The following ANKRD30A variants were observed in gnomAD, a reference collection of about 807,000 sequenced individuals.
ANKRD30A encodes the protein ankyrin repeat domain-containing protein 30A.
ANKRD30A carries 170 observed loss-of-function variants against 166.3 expected under a neutral mutation model. The ratio of observed to expected loss-of-function variants is 1.02; its 90% CI spans 0.90 to 1.16. The LOEUF is 1.16. Among genes scored for constraint, ANKRD30A ranks in the 50% most tolerant of loss-of-function variants. The pLI is 0.00. For synonymous variants in ANKRD30A, 564 were observed against 508.9 expected (o/e 1.11, Z -1.46); for missense variants, 1,630 against 1,518.0 (o/e 1.07, Z -1.23).
the ANKRD30A span, among the ~76,000 whole-genome samples, chr10:37,252,224 A>G: frequency 6.6e-5 from 10 of 152,172 alleles, no homozygotes; most frequent in Non-Finnish European, 1.5e-4. Flanking sequence ...TGGCTCCTGA[A>G]AACATTTGTT....
intron 33 of ANKRD30A, among the ~76,000 whole-genome samples, chr10:37,218,119 A>G (rs905896687): frequency 1.3e-5 from 2 of 150,954 alleles, no homozygotes; most frequent in African/African-American, 4.8e-5. Flanking sequence ...ATAGTTAGTG[A>G]TAATTTATTG....
the ANKRD30A span, among the ~76,000 whole-genome samples, chr10:37,247,806 C>T: frequency 4.7e-5 from 7 of 148,708 alleles, no homozygotes; most frequent in African/African-American, 9.9e-5. Context: ...GGCATGAACC[C>T]GGGAGGCGGA....
chr10:37,197,935 A>G (rs1841283522), intron 29 of ANKRD30A, among the ~76,000 whole-genome samples: 3 of 151,922 alleles, frequency 2.0e-5, no homozygotes, highest in Non-Finnish European at 4.4e-5. Context: ...AGTAACTCGG[A>G]TTAGTGAACT....
chr10:37,259,568 A>T, the ANKRD30A span, among the ~76,000 whole-genome samples: 1 of 152,270 alleles, frequency 6.6e-6, no homozygotes, highest in East Asian at 1.9e-4. Flanking sequence ...TATTTGTCAT[A>T]GTCAAGAGCT....
intron 21 of ANKRD30A, among the ~76,000 whole-genome samples, chr10:37,173,043 T>G (rs1479608696): frequency 6.6e-6 from 1 of 152,230 alleles, no homozygotes; most frequent in Non-Finnish European, 1.5e-5. Context: ...TTATTTAATC[T>G]ATTGCAATAA....
chr10:37,218,825 A>G (rs1457852827), intron 33 of ANKRD30A, among the ~76,000 whole-genome samples, 155 bp from the exon 34 acceptor site: 3 of 150,880 alleles, frequency 2.0e-5, no homozygotes, highest in Admixed American at 6.6e-5. Context: ...TATGCTCTAT[A>G]GCATTTAAAG....
intron 13 of ANKRD30A, among the ~76,000 whole-genome samples, chr10:37,156,789 G>A (rs756348316): frequency 1.2e-4 from 18 of 152,116 alleles, no homozygotes; most frequent in Non-Finnish European, 2.2e-4. Flanking sequence ...AACTTTTAAA[G>A]ATATTAATGA....
At position 37,196,799 on chromosome 10, in the gene ANKRD30A, G is replaced by C. The variant is rs1841163728; in HGVS notation, c.2615-482G>C. On this transcript the variant is annotated intron_variant, in intron 27 of 35. Coordinates refer to ENST00000361713, the MANE Select transcript of ANKRD30A (RefSeq NM_052997.3). ...GGAAAAAAATGAATATTCATTTTAAGTATTATGACCTAAGTGTATATCCAA... is the reference window on the plus strand; with the variant it reads ...GGAAAAAAATGAATATTCATTTTAACTATTATGACCTAAGTGTATATCCAA... Among the ~76,000 whole-genome samples, 3 of 152,070 alleles carry C rather than the reference G, an allele frequency of 2.0e-5. No individual in the cohort carries two copies. In the South Asian group the frequency reaches 6.2e-4, roughly 31 times the overall value.
At chr10:37,178,080 A>G (rs1442749267) in intron 24 of ANKRD30A, among the ~76,000 whole-genome samples, 1 of 151,362 alleles carries the variant, frequency 6.6e-6, no homozygotes, top group East Asian at 1.9e-4. Flanking sequence ...ATGAAGGAAC[A>G]AGAAACAGGT....
the ANKRD30A span, among the ~76,000 whole-genome samples, chr10:37,245,003 T>C: frequency 6.6e-6 from 1 of 152,174 alleles, no homozygotes; most frequent in Non-Finnish European, 1.5e-5. Flanking sequence ...TTATAATCAA[T>C]ACACAAAGCT....
At position 37,201,337 on chromosome 10, in the gene ANKRD30A, C is replaced by T. The variant is rs1400548018; in HGVS notation, c.2869+12C>T. The stretch of plus-strand genomic sequence containing the variant: ...TGGAAAATTAGAAGGTAAGAACCAT[C>T]TTTTATTTAAAAGGTCATTTGACCA... On this transcript the variant is annotated intron_variant, in intron 31 of 35. Coordinates refer to ENST00000361713, the MANE Select transcript of ANKRD30A (RefSeq NM_052997.3). 3.9e-6 allele frequency: 6 copies of T among 1,544,226 alleles called. No individual in the cohort carries two copies. The highest frequency in any genetic ancestry group is 5.3e-6 in the Non-Finnish European group (6 of 1,140,526).
intron 31 of ANKRD30A, among the ~76,000 whole-genome samples, chr10:37,215,907 A>C (rs561423659): frequency 6.6e-6 from 1 of 151,272 alleles, no homozygotes; most frequent in East Asian, 1.9e-4. Flanking sequence ...TGGGCCTAGT[A>C]TATATCTTAT....
Position 37,218,963 on chromosome 10 carries a change from T to G in ANKRD30A, c.3268-17T>G, listed in dbSNP as rs760404245. On this transcript the variant is annotated splice_polypyrimidine_tract_variant and intron_variant, in intron 33 of 35. Coordinates refer to ENST00000361713, the MANE Select transcript of ANKRD30A (RefSeq NM_052997.3). ...TTTTATTGAGTGCTAGCTAAAAGTT[T>G]ATTTTGTTTTATTTAGGTTTCTCAC... 3.8e-5 allele frequency: 58 copies of G among 1,513,570 alleles called. No individual in the cohort carries two copies. The highest frequency in any genetic ancestry group is 5.2e-5 in the Non-Finnish European group (58 of 1,119,218). 93.8% of individuals were successfully genotyped at this position (1,513,570 alleles called of 1,614,324 possible).
intron 13 of ANKRD30A, among the ~76,000 whole-genome samples, chr10:37,154,667 T>C (rs1447767775): frequency 6.6e-6 from 1 of 152,284 alleles, no homozygotes; most frequent in East Asian, 1.9e-4. Context: ...AGTCTAGAGA[T>C]TATTTTTGCT....
the ANKRD30A span, among the ~76,000 whole-genome samples, chr10:37,254,352 T>A: frequency 6.6e-6 from 1 of 152,192 alleles, no homozygotes; most frequent in Non-Finnish European, 1.5e-5. Flanking sequence ...AAGATCTAAT[T>A]TCTCTACATC....
the ANKRD30A span, among the ~76,000 whole-genome samples, chr10:37,240,409 A>C: frequency 6.6e-6 from 1 of 152,176 alleles, no homozygotes. Flanking sequence ...AAACAGTCAT[A>C]GTTCATAAGC....
chr10:37,217,954 T>A, intron 33 of ANKRD30A, 76 bp downstream of exon 33: 2 of 1,091,914 alleles, frequency 1.8e-6, no homozygotes, highest in Non-Finnish European at 2.5e-6. Flanking sequence ...CCCTTTGATT[T>A]AGTATGTATT....
intron 1 of ANKRD30A, 90 bp from the exon 2 acceptor site, chr10:37,129,803 C>A (rs530336955): frequency 3.3e-6 from 2 of 613,144 alleles, no homozygotes; most frequent in Non-Finnish European, 2.5e-6. Context: ...AGAGAAAGAG[C>A]GTGGTATTTA....
chr10:37,241,232 T>C, the ANKRD30A span: 1 of 151,604 alleles, frequency 6.6e-6, no homozygotes, highest in Non-Finnish European at 1.5e-5. Flanking sequence ...ACTAATGATT[T>C]AAATCTAAAA....
Sources: allele counts gnomAD v4.1 joint callset (sites outside exome capture counted in the v4.1 genomes callset), GRCh38; gene constraint gnomAD v4.1.1; transcripts MANE v1.5; gene names NCBI Gene and HGNC (gene_info 2026-07-23, HGNC 2026-07-21).